PTPN3: variants seen among roughly 807,000 people sequenced by gnomAD.
The protein encoded by PTPN3 is protein tyrosine phosphatase non-receptor type 3.
PTPN3 carries 96 observed loss-of-function variants against 132.7 expected under a neutral mutation model. The observed-to-expected ratio is 0.72, with a 90% CI of 0.61 to 0.86. The LOEUF (loss-of-function observed/expected upper bound fraction) is 0.86. Ranked by LOEUF, PTPN3 falls within the 40% of genes least tolerant of loss-of-function variation. PTPN3 has a pLI of 0.00. For missense variants in PTPN3, 1,125 were observed against 1,159.6 expected (o/e 0.97, Z 0.43); for synonymous variants, 398 against 429.0 (o/e 0.93, Z 0.89).
rs1175917760 is a variant in PTPN3, at chr9:109,410,415, CCTT to C, written c.1314-3_1314-1del. ...GTGCCGGATTGTTCTCGGATAAACTCCTTCATCATGGGGAAGGAGGAGATATTA... is the reference window on the plus strand; with the variant it reads ...GTGCCGGATTGTTCTCGGATAAACTCCATCATGGGGAAGGAGGAGATATTA... On this transcript the variant is annotated splice_acceptor_variant and splice_polypyrimidine_tract_variant and intron_variant, in intron 14 of 25. Transcript: ENST00000374541. LOFTEE classifies it high-confidence loss of function. 3.7e-6 allele frequency: 6 copies of C among 1,613,650 alleles called. No individual in the cohort carries two copies. Among genetic ancestry groups the C allele is most frequent in the Non-Finnish European group, 5.1e-6 (6 of 1,179,744 alleles).
Position 109,426,938 on chromosome 9 carries a change from C to T in PTPN3, c.1001+12G>A. On this transcript the variant is annotated intron_variant, in intron 12 of 25. Coordinates refer to ENST00000374541, the MANE Select transcript of PTPN3 (RefSeq NM_002829.4). ...CAGCCTAGTGTGGACACAGTCTTTA[C>T]AGCACACTCACTTTTTGGTGTTCCG... The T allele has an allele frequency of 6.2e-7, 1 of 1,601,416 alleles. No homozygotes were observed. Among genetic ancestry groups the T allele is most frequent in the Non-Finnish European group, 8.6e-7 (1 of 1,168,914 alleles).
intron 6 of PTPN3, among the ~76,000 whole-genome samples, chr9:109,447,175 G>A (rs1844919610): frequency 6.6e-6 from 1 of 152,154 alleles, no homozygotes; most frequent in Admixed American, 6.5e-5. Context: ...CATTTTGTTT[G>A]GAGAAGAAAA....
At position 109,431,415 on chromosome 9, in the gene PTPN3, G is replaced by T. The variant is rs530652841; in HGVS notation, c.764+1658C>A. Among the ~76,000 whole-genome samples the T allele has an allele frequency of 8.5e-5, 13 of 152,324 alleles. No individual in the cohort carries two copies. The South Asian group carries it at 2.7e-3, about 32-fold the overall frequency. The stretch of plus-strand genomic sequence containing the variant: ...GGAGGAAGCCCCCGGCATCTGGAGG[G>T]GCTGGGTGCAGAAAAATGAGCCGTA... On this transcript the variant is annotated intron_variant, in intron 10 of 25. Coordinates refer to ENST00000374541, the MANE Select transcript of PTPN3 (RefSeq NM_002829.4).
chr9:109,507,469 A>C, the PTPN3 span, among the ~76,000 whole-genome samples: 57 of 152,334 alleles, frequency 3.7e-4, no homozygotes, highest in African/African-American at 1.3e-3. Context: ...GGGGGATGCT[A>C]TTCAGCCTGC....
At chr9:109,437,673 T>C (rs567519267) in intron 8 of PTPN3, among the ~76,000 whole-genome samples, 1 of 152,306 alleles carries the variant, frequency 6.6e-6, no homozygotes, top group East Asian at 1.9e-4. Context: ...CACTTGGACA[T>C]AGGGCACTTT....
At chr9:109,439,296 C>CTCTA (rs1844283091) in intron 7 of PTPN3, among the ~76,000 whole-genome samples, 1 of 152,108 alleles carries the variant, frequency 6.6e-6, no homozygotes, top group Admixed American at 6.6e-5. Context: ...AGGAGATAAT[C>CTCTA]TCTACCTCTA....
Position 109,416,829 on chromosome 9 carries a change from C to T in PTPN3, c.1313+3595G>A, listed in dbSNP as rs143453776. 6.6e-4 allele frequency among the ~76,000 whole-genome samples: 100 copies of T among 152,224 alleles called. 1 individual carries two copies. The South Asian group carries it at 0.02, about 30-fold the overall frequency. On this transcript the variant is annotated intron_variant, in intron 14 of 25. Coordinates refer to ENST00000374541, the MANE Select transcript of PTPN3 (RefSeq NM_002829.4). The stretch of plus-strand genomic sequence containing the variant: ...AGGCTCTAAGGAAAGAGGCAAACAG[C>T]GAAGAAGTTATGCAGGCATGAAGCC...
chr9:109,531,169 A>G, the PTPN3 span, among the ~76,000 whole-genome samples: 1 of 152,244 alleles, frequency 6.6e-6, no homozygotes, highest in East Asian at 1.9e-4. Context: ...GCTTTTCTCC[A>G]AAGTTTTCTT....
At position 109,408,301 on chromosome 9, in the gene PTPN3, C is replaced by A; in HGVS notation, c.1635+20G>T. ...GGAAACAAACAAACACGAGGAATAA[C>A]ATGGAATGTATTTACTTACAGGTGA... On this transcript the variant is annotated intron_variant, in intron 17 of 25. Coordinates refer to ENST00000374541, the MANE Select transcript of PTPN3 (RefSeq NM_002829.4). 6.6e-7 allele frequency: 1 copy of A among 1,524,380 alleles called. No homozygotes were observed. The highest frequency in any genetic ancestry group is 8.9e-7 in the Non-Finnish European group (1 of 1,124,956). 94.4% of individuals were successfully genotyped at this position (1,524,380 alleles called of 1,614,324 possible).
intron 1 of PTPN3, among the ~76,000 whole-genome samples, chr9:109,478,881 G>A (rs565646584): frequency 2.0e-5 from 3 of 152,208 alleles, no homozygotes; most frequent in Non-Finnish European, 4.4e-5. Context: ...TGTTTCTGAG[G>A]TGACCCAGCG....
chr9:109,446,688 T>C (rs990056515), intron 6 of PTPN3, among the ~76,000 whole-genome samples: 2 of 151,552 alleles, frequency 1.3e-5, no homozygotes, highest in Non-Finnish European at 2.9e-5. Flanking sequence ...GCTGAGGAGG[T>C]TCCCTCTAGA....
chr9:109,478,791 GA>G (rs1401056534), intron 1 of PTPN3, among the ~76,000 whole-genome samples: 2 of 152,168 alleles, frequency 1.3e-5, no homozygotes, highest in African/African-American at 4.8e-5. Context: ...CATGACCCAG[GA>G]GAGAGCCCAC....
chr9:109,499,270 G>A (rs1356132023), upstream of PTPN3, among the ~76,000 whole-genome samples: 1 of 152,048 alleles, frequency 6.6e-6, no homozygotes, highest in Non-Finnish European at 1.5e-5. Flanking sequence ...CAGTGAAGCG[G>A]TCGGATAGGG....
Position 109,396,844 on chromosome 9 carries a change from T to C in PTPN3, c.1954-5283A>G, listed in dbSNP as rs1045257970. Among the ~76,000 whole-genome samples the C allele has an allele frequency of 2.0e-5, 3 of 152,268 alleles. No individual in the cohort carries two copies. The South Asian group carries it at 6.2e-4, about 32-fold the overall frequency. On this transcript the variant is annotated intron_variant, in intron 19 of 25. Coordinates refer to ENST00000374541, the MANE Select transcript of PTPN3 (RefSeq NM_002829.4). ...TCTTCTTAGAACAAGTCACCTACTA[T>C]AATATTAGAGAAGGCATCAGGTGAC...
intron 13 of PTPN3, among the ~76,000 whole-genome samples, chr9:109,421,803 C>T (rs1173556214): frequency 6.6e-6 from 1 of 152,170 alleles, no homozygotes; most frequent in Non-Finnish European, 1.5e-5. Flanking sequence ...GCAGGCCCAG[C>T]ACAGCATCTC....
At chr9:109,408,099 C>G (rs1209618909) in intron 17 of PTPN3, among the ~76,000 whole-genome samples, 1 of 152,164 alleles carries the variant, frequency 6.6e-6, no homozygotes, top group Non-Finnish European at 1.5e-5. Flanking sequence ...CAGGCCTAAG[C>G]TGAGGCCAGA....
At chr9:109,474,579 AG>A (rs1846547065) in intron 1 of PTPN3, among the ~76,000 whole-genome samples, 1 of 152,076 alleles carries the variant, frequency 6.6e-6, no homozygotes, top group Admixed American at 6.6e-5. Context: ...GCCAGGGAGA[AG>A]CTGCAGCATT....
chr9:109,395,816 C>G (rs1015656674), intron 19 of PTPN3, among the ~76,000 whole-genome samples: 1 of 148,898 alleles, frequency 6.7e-6, no homozygotes, highest in Non-Finnish European at 1.5e-5. Context: ...GTGTCTCTCT[C>G]TCTCTATATA....
At chr9:109,383,677 C>T (rs1055375436) in intron 22 of PTPN3, 126 bp from the exon 23 acceptor site, 6 of 1,327,764 alleles carry the variant, frequency 4.5e-6, no homozygotes, top group Middle Eastern at 2.7e-4. Flanking sequence ...TGGGAGAAAA[C>T]AAACTCAGCC....
Sources: allele counts gnomAD v4.1 joint callset (sites outside exome capture counted in the v4.1 genomes callset), GRCh38; gene constraint gnomAD v4.1.1; transcripts MANE v1.5; gene names NCBI Gene and HGNC (gene_info 2026-07-23, HGNC 2026-07-21).